The following AKAP6 variants were observed in gnomAD, a reference collection of about 807,000 sequenced individuals.
AKAP6 encodes the protein A-kinase anchor protein 6.
Under a neutral mutation model 188.5 loss-of-function variants are expected in AKAP6, and 58 were observed. That is an observed-to-expected ratio of 0.31 (90% CI 0.25 to 0.38). AKAP6 has a LOEUF of 0.38. Among genes scored for constraint, AKAP6 ranks in the 10% least tolerant of loss-of-function variants. The probability of loss-of-function intolerance (pLI) is 1.00; values close to 1 mark genes in which losing one functional copy is unlikely to be tolerated. For missense variants in AKAP6, 2,710 were observed against 2,740.0 expected, an observed-to-expected ratio of 0.99 and a Z score of 0.24; for synonymous variants, 989 against 998.6, an observed-to-expected ratio of 0.99 and a Z score of 0.18.
intron 9 of AKAP6, among the ~76,000 whole-genome samples, chr14:32,717,420 T>C (rs1053536204): frequency 3.3e-5 from 5 of 152,242 alleles, no homozygotes; most frequent in Non-Finnish European, 5.9e-5. Flanking sequence ...GCAATGCTGT[T>C]TATTTTTATG....
Position 32,692,171 on chromosome 14 carries a change from G to A in AKAP6, c.2880-3819G>A, listed in dbSNP as rs1482719628. Among the ~76,000 whole-genome samples, 4 of 152,190 alleles carry A rather than the reference G, an allele frequency of 2.6e-5. No individual in the cohort carries two copies. The East Asian group carries it at 7.7e-4, about 29-fold the overall frequency. ...GATAAAGGGTGAGTATCTGTATTAGGTTCATTTGCTACTTGCAGGTCTCCA... is the reference window on the plus strand; with the variant it reads ...GATAAAGGGTGAGTATCTGTATTAGATTCATTTGCTACTTGCAGGTCTCCA... On this transcript the variant is annotated intron_variant, in intron 8 of 13. Coordinates refer to ENST00000280979, the MANE Select transcript of AKAP6 (RefSeq NM_004274.5).
At chr14:32,647,418 T>A (rs1185707489) in intron 7 of AKAP6, among the ~76,000 whole-genome samples, 2 of 152,100 alleles carry the variant, frequency 1.3e-5, no homozygotes, top group Non-Finnish European at 2.9e-5. Context: ...TTCCTTTAAC[T>A]GGTAAGAAAA....
rs1566512336 is a variant in AKAP6 at position 32,454,749 on chromosome 14, TTCCCTCCCTCCC to T, written c.324+20940_324+20951del. Among the ~76,000 whole-genome samples, 12 of 2,916 alleles carry T rather than the reference TTCCCTCCCTCCC, an allele frequency of 4.1e-3. 4 individuals are homozygous for T. The highest frequency in any genetic ancestry group is 0.029 in the African/African-American group (12 of 418). The allele number at this position is 2,916 out of a possible 152,430, so 1.9% of individuals were successfully genotyped here. A position where few individuals can be genotyped will look rare whatever the true frequency, so the allele number is the denominator to read the frequency against. ...CTTCCCTCCTTCCCTCCCTCCCTCC[TTCCCTCCCTCCC>T]TCCCTCCTTCCCTCCTTCCCTCCCT... is the stretch of plus-strand genomic sequence containing the variant. On this transcript the variant is annotated intron_variant, in intron 2 of 13. Transcript: ENST00000280979.
At chr14:32,377,646 ACAT>A (rs1888201716) in intron 1 of AKAP6, among the ~76,000 whole-genome samples, 1 of 152,212 alleles carries the variant, frequency 6.6e-6, no homozygotes, top group Non-Finnish European at 1.5e-5. Flanking sequence ...TCCTACACAG[ACAT>A]CAGCCACACC....
At chr14:32,787,481 G>C (rs2140040820) in intron 12 of AKAP6, among the ~76,000 whole-genome samples, 1 of 151,838 alleles carries the variant, frequency 6.6e-6, no homozygotes. Flanking sequence ...TATTTATCTG[G>C]GTTTGGTTGC....
At chr14:32,642,499 G>GT (rs1211896152) in intron 7 of AKAP6, among the ~76,000 whole-genome samples, 1 of 152,160 alleles carries the variant, frequency 6.6e-6, no homozygotes, top group Non-Finnish European at 1.5e-5. Flanking sequence ...CAGCTGTATA[G>GT]TTTTTTCTTT....
Position 32,824,448 on chromosome 14 carries a change from C to T in AKAP6, c.6635C>T (p.Ala2212Val). 4 of 1,613,940 alleles carry T rather than the reference C, an allele frequency of 2.5e-6. No individual in the cohort carries two copies. The highest frequency in any genetic ancestry group is 3.4e-6 in the Non-Finnish European group (4 of 1,179,948). The change falls in exon 13 of 14, where the codon GCT (alanine) becomes GTT (valine). Residue 2212 changes from alanine to valine, a missense_variant. Physicochemically the swap from Ala to Val is moderately conservative, Grantham distance 64. Transcript: ENST00000280979. ...SLSADDADTV[A>V]LSSPSSQERA... ...TCAGCTGATGATGCAGATACAGTGG[C>T]TCTTTCAAGTCCTTCCTCTCAGGAA... is the stretch of plus-strand genomic sequence containing the variant.
At chr14:32,785,921 C>T (rs2033387078) in intron 12 of AKAP6, among the ~76,000 whole-genome samples, 1 of 152,100 alleles carries the variant, frequency 6.6e-6, no homozygotes. Flanking sequence ...GGTGAAGACA[C>T]AAGTATCATT....
intron 3 of AKAP6, among the ~76,000 whole-genome samples, chr14:32,541,702 G>T (rs1479755371): frequency 2.0e-5 from 3 of 152,050 alleles, no homozygotes; most frequent in Non-Finnish European, 4.4e-5. Context: ...TTTAACCATC[G>T]TTTTATAATA....
intron 1 of AKAP6, among the ~76,000 whole-genome samples, chr14:32,383,945 T>G (rs546793022): frequency 6.6e-6 from 1 of 152,310 alleles, no homozygotes; most frequent in Non-Finnish European, 1.5e-5. Flanking sequence ...CTTGAGAACT[T>G]AAAGTTCTGA....
intron 1 of AKAP6, among the ~76,000 whole-genome samples, chr14:32,400,648 C>A (rs920609866): frequency 7.3e-6 from 1 of 137,800 alleles, no homozygotes; most frequent in Admixed American, 7.8e-5. Flanking sequence ...TAGTTGTGGT[C>A]TTCCTAATTG....
In AKAP6 at chr14:32,823,839, C is replaced by G. The variant is rs767126152; in HGVS notation, c.6026C>G (p.Pro2009Arg). The G allele has an allele frequency of 1.2e-6, 2 of 1,613,300 alleles. No individual in the cohort carries two copies. The highest frequency in any genetic ancestry group is 1.7e-5 in the Admixed American group (1 of 59,926). ...GCACTGAAATCATCTGATGATGCACCGAGTATGGCTGGAAAATCTGCTGGT... is the reference window on the plus strand; with the variant it reads ...GCACTGAAATCATCTGATGATGCACGGAGTATGGCTGGAAAATCTGCTGGT... ...SDALKSSDDA[P>R]SMAGKSAGCC... The change falls in exon 13 of 14, where the codon CCG (proline) becomes CGG (arginine). Residue 2009 changes from proline (P) to arginine (R), a missense_variant. Around this residue, in one of 2 missense-constraint regions of AKAP6, gnomAD observed 2,473 missense variants for 2,426.1 expected, o/e 1.02. Coordinates refer to ENST00000280979, the MANE Select transcript of AKAP6 (RefSeq NM_004274.5).
chr14:32,616,112 G>C (rs988220244), intron 7 of AKAP6, among the ~76,000 whole-genome samples: 1 of 152,142 alleles, frequency 6.6e-6, no homozygotes, highest in African/African-American at 2.4e-5. Context: ...ACAGATGTTA[G>C]CAAGATTGCA....
chr14:32,487,596 T>C (rs4433719), intron 2 of AKAP6, among the ~76,000 whole-genome samples: 102,261 of 152,146 alleles, frequency 0.67, 35,845 homozygotes, highest in East Asian at 0.89. Context: ...TGGCGAGGAG[T>C]TGTGATCCTT....
chr14:32,451,579 T>C lies in AKAP6; in HGVS notation c.324+17762T>C, dbSNP rs144691978. ...CTTTTTAGATAAAGCTGTCGTTGACTAATTTATTTCTGTATCTTCTAGTTG... is the reference window on the plus strand; with the variant it reads ...CTTTTTAGATAAAGCTGTCGTTGACCAATTTATTTCTGTATCTTCTAGTTG... On this transcript the variant is annotated intron_variant, in intron 2 of 13. Transcript: ENST00000280979. Among the ~76,000 whole-genome samples, 11 of 152,362 alleles carry C rather than the reference T, an allele frequency of 7.2e-5. No homozygotes were observed. The East Asian group carries it at 2.1e-3, about 29-fold the overall frequency.
chr14:32,730,555 G>A (rs1347911802), intron 9 of AKAP6, among the ~76,000 whole-genome samples: 4 of 152,036 alleles, frequency 2.6e-5, no homozygotes, highest in Non-Finnish European at 4.4e-5. Flanking sequence ...TAAAGTTGGG[G>A]TGAAGAGGGG....
rs1404095429 is a variant in AKAP6, at chr14:32,615,409, T to C, written c.2730+14617T>C. Among the ~76,000 whole-genome samples, 3 of 130,220 alleles carry C rather than the reference T, an allele frequency of 2.3e-5. No homozygotes were observed. In the Admixed American group the frequency reaches 2.3e-4, roughly 10 times the overall value. 85.4% of individuals were successfully genotyped at this position (130,220 alleles called of 152,430 possible). On this transcript the variant is annotated intron_variant, in intron 7 of 13. Coordinates refer to ENST00000280979, the MANE Select transcript of AKAP6 (RefSeq NM_004274.5). ...ACCTTCAGCACTTCTTATAAGTTCC[T>C]TCTTTTTTTTTTTTAACCTTCCTCT...
intron 7 of AKAP6, among the ~76,000 whole-genome samples, chr14:32,634,288 T>C (rs1405532364): frequency 6.6e-6 from 1 of 152,064 alleles, no homozygotes; most frequent in Non-Finnish European, 1.5e-5. Context: ...GTTAGGCATA[T>C]AAAATGCTTA....
intron 2 of AKAP6, among the ~76,000 whole-genome samples, chr14:32,529,972 T>G (rs964110428): frequency 6.1e-5 from 9 of 148,402 alleles, no homozygotes; most frequent in Admixed American, 4.7e-4. Context: ...ACTTTTTTTT[T>G]TTTTTTTTTT....
Sources: gnomAD v4.1 joint callset for allele counts (sites outside exome capture counted in the v4.1 genomes callset) on GRCh38, gnomAD v4.1.1 for gene constraint, gnomAD v4.1.1 regional missense constraint, MANE v1.5 for transcripts, NCBI Gene and HGNC (gene_info 2026-07-23, HGNC 2026-07-21) for gene names.